VCPKMT: variants seen among roughly 807,000 people sequenced by gnomAD.
VCPKMT encodes the protein protein N-lysine methyltransferase METTL21D.
In VCPKMT, 32 loss-of-function variants were observed where a neutral mutation model predicts 28.6. The observed-to-expected ratio is 1.12, with a 90% confidence interval of 0.84 to 1.50. VCPKMT has a LOEUF of 1.50. VCPKMT is among the 40% of genes most tolerant of loss of function. VCPKMT has a pLI of 0.00. For synonymous variants in VCPKMT, 138 were observed against 111.4 expected, an observed-to-expected ratio of 1.24 and a Z score of -1.50; for missense variants, 366 against 285.0, an observed-to-expected ratio of 1.28 and a Z score of -2.05.
chr14:50,111,644 G>A (rs11850798), intron 5 of VCPKMT: 168,147 of 982,130 alleles, frequency 0.17, 14,905 homozygotes, highest in East Asian at 0.43. Context: ...TTGGGAGGCC[G>A]AGGTGGGCAG....
chr14:50,106,220 G>C, downstream of VCPKMT, among the ~76,000 whole-genome samples: 1 of 152,182 alleles, frequency 6.6e-6, no homozygotes, highest in East Asian at 1.9e-4. Context: ...CATGGGTTTT[G>C]TGTGCTTTTA....
At chr14:50,111,336 A>C (rs1275280616) in intron 5 of VCPKMT, 1 of 985,258 alleles carries the variant, frequency 1.0e-6, no homozygotes, top group Admixed American at 6.2e-5. Flanking sequence ...ATGCCACATA[A>C]ATGTTAATCT....
chr14:50,116,045 A>G, intron 2 of VCPKMT, 24 bp downstream of exon 2: 1 of 1,597,914 alleles, frequency 6.3e-7, no homozygotes, highest in African/African-American at 1.3e-5. Flanking sequence ...AATATCTTAA[A>G]ACAAGCTGAA....
rs1215201675 is a variant in VCPKMT, at chr14:50,108,729, G to C, written c.*970C>G. The stretch of plus-strand genomic sequence containing the variant: ...AATTCCATCCGGTTACTACTCTTTG[G>C]AACAAGTATGATTAAAGTCCTTGAC... On this transcript the variant is annotated 3_prime_UTR_variant, in exon 6 of 6. Transcript: ENST00000395860. The C allele has an allele frequency of 1.8e-5, 18 of 985,662 alleles. No homozygotes were observed. Among genetic ancestry groups the C allele is most frequent in the Middle Eastern group, 5.2e-4 (1 of 1,936 alleles). The allele number at this position is 985,662 out of a possible 1,614,324, so 61.1% of individuals were successfully genotyped here. A position where few individuals can be genotyped will look rare whatever the true frequency, so the allele number is the denominator to read the frequency against.
chr14:50,106,687 G>A, downstream of VCPKMT: 1 of 971,188 alleles, frequency 1.0e-6, no homozygotes, highest in Non-Finnish European at 1.2e-6. Flanking sequence ...CAAACATCTT[G>A]AATCTCTAGT....
intron 4 of VCPKMT, among the ~76,000 whole-genome samples, chr14:50,113,727 CTACAAAAAAA>C (rs1882868085): frequency 7.2e-6 from 1 of 139,798 alleles, no homozygotes; most frequent in Non-Finnish European, 1.5e-5. Context: ...AACCCCATCT[CTACAAAAAAA>C]TACAAAAAGT....
chr14:50,112,057 G>A, intron 5 of VCPKMT: 1 of 984,956 alleles, frequency 1.0e-6, no homozygotes, highest in Non-Finnish European at 1.2e-6. Flanking sequence ...ATCTTTTATG[G>A]ACTCATCTGC....
At chr14:50,112,799 CTTT>C (rs1162094479) in intron 4 of VCPKMT, 80 bp from the exon 5 acceptor site, 1 of 1,017,530 alleles carries the variant, frequency 9.8e-7, no homozygotes, top group African/African-American at 1.7e-5. Context: ...ATGCTGGTTA[CTTT>C]TTTTTTGAGA....
intron 5 of VCPKMT, 98 bp from the exon 6 acceptor site, chr14:50,109,811 C>T (rs1882522760): frequency 2.2e-6 from 3 of 1,378,282 alleles, no homozygotes; most frequent in South Asian, 2.9e-5. Context: ...GCCTAGTATG[C>T]CTAGTATAAC....
At chr14:50,113,612 AC>A (rs34269552) in intron 4 of VCPKMT, 97,284 of 132,806 alleles carry the variant, frequency 0.73, 32,838 homozygotes, top group East Asian at 0.75. Flanking sequence ...AGTTTAAAAA[AC>A]AAAAAAAAAG....
the VCPKMT span, among the ~76,000 whole-genome samples, chr14:50,103,492 A>C: frequency 6.6e-6 from 1 of 152,162 alleles, no homozygotes; most frequent in Non-Finnish European, 1.5e-5. Context: ...AGGTTTAGCA[A>C]AGAACCGTGG....
At chr14:50,102,881 T>C in the VCPKMT span, among the ~76,000 whole-genome samples, 1 of 152,202 alleles carries the variant, frequency 6.6e-6, no homozygotes, top group Admixed American at 6.5e-5. Context: ...TTCATGACAA[T>C]ATTTTCCATT....
chr14:50,114,997 C>T (rs1883004874), intron 3 of VCPKMT, among the ~76,000 whole-genome samples: 1 of 152,108 alleles, frequency 6.6e-6, no homozygotes, highest in Admixed American at 6.5e-5. Context: ...ATGGAATCAA[C>T]CTTACTCTTA....
intron 3 of VCPKMT, 36 bp from the exon 4 acceptor site, chr14:50,114,440 T>C: frequency 7.2e-7 from 1 of 1,389,008 alleles, no homozygotes. Flanking sequence ...GTTTTTGATT[T>C]AAAAATTTTT....
chr14:50,115,885 G>A lies in VCPKMT; in HGVS notation c.404C>T (p.Ser135Phe). 1 of 1,613,554 alleles carries A rather than the reference G, an allele frequency of 6.2e-7. No homozygotes were observed. Among genetic ancestry groups the A allele is most frequent in the Non-Finnish European group, 8.5e-7 (1 of 1,179,552 alleles). Residue 135 changes from serine (S) to phenylalanine (F), a missense_variant, in exon 3 of 6, where the codon TCT becomes TTT. Transcript: ENST00000395860. ...KWGEEIEGFPSPPDFILMADC... is the reference protein window; with the variant it reads ...KWGEEIEGFPFPPDFILMADC... Reference sequence around the variant, plus strand: ...GGCCATCAGTATGAAGTCGGGTGGAGAAGGAAAGCCTTCTATTTCTTCCCC... The same window carrying A: ...GGCCATCAGTATGAAGTCGGGTGGAAAAGGAAAGCCTTCTATTTCTTCCCC...
At chr14:50,107,171 G>A (rs1380962826), downstream of VCPKMT, among the ~76,000 whole-genome samples, 1 of 152,242 alleles carries the variant, frequency 6.6e-6, no homozygotes, top group Admixed American at 6.5e-5. Flanking sequence ...AGTTGGTGAT[G>A]GAGCATGTTC....
In VCPKMT at chr14:50,108,832, T is replaced by A; in HGVS notation, c.*867A>T. 1 of 985,474 alleles carries A rather than the reference T, an allele frequency of 1.0e-6. No individual in the cohort carries two copies. The highest frequency in any genetic ancestry group is 1.2e-6 in the Non-Finnish European group (1 of 829,898). 61.0% of individuals were successfully genotyped at this position (985,474 alleles called of 1,614,324 possible). A position where few individuals can be genotyped will look rare whatever the true frequency, so the allele number is the denominator to read the frequency against. On this transcript the variant is annotated 3_prime_UTR_variant, in exon 6 of 6. Transcript: ENST00000395860. ...AACAGAAATTCATTTGGTATATACA[T>A]ATAGAACTACATTTGTAGTTATTCA...
chr14:50,115,153 T>TG (rs1883026640), intron 3 of VCPKMT, among the ~76,000 whole-genome samples: 2 of 117,836 alleles, frequency 1.7e-5, no homozygotes, highest in Non-Finnish European at 4.1e-5. Flanking sequence ...ATGTTTTTTT[T>TG]TTTTTTTTTT....
At chr14:50,113,638 C>G (rs1881234004) in intron 4 of VCPKMT, 1 of 147,614 alleles carries the variant, frequency 6.8e-6, no homozygotes. Flanking sequence ...TAAAAATAGA[C>G]AGGTATCTAG....
Sources: allele counts gnomAD v4.1 joint callset (sites outside exome capture counted in the v4.1 genomes callset), GRCh38; gene constraint gnomAD v4.1.1; transcripts MANE v1.5; gene names NCBI Gene and HGNC (gene_info 2026-07-23, HGNC 2026-07-21).